The following CPA6 variants were observed in gnomAD, a reference collection of about 807,000 sequenced individuals.
CPA6 encodes carboxypeptidase A6, also known as carboxypeptidase B.
A neutral mutation model predicts 63.3 loss-of-function variants in CPA6; 58 were observed. The observed-to-expected ratio is 0.92, with a 90% CI of 0.74 to 1.14. The LOEUF (loss-of-function observed/expected upper bound fraction) is 1.14. CPA6 is among the 50% of genes most tolerant of loss of function. The pLI is 0.00. For synonymous variants in CPA6, 185 were observed against 179.0 expected (o/e 1.03, Z -0.27); for missense variants, 565 against 526.6 (o/e 1.07, Z -0.71).
Position 67,518,190 on chromosome 8 carries a change from T to G in CPA6, c.193-143A>C, listed in dbSNP as rs892383302. 6.1e-6 allele frequency: 4 copies of G among 658,688 alleles called. No homozygotes were observed. The South Asian group carries it at 1.6e-4, about 27-fold the overall frequency. The allele number at this position is 658,688 out of a possible 1,614,324, so 40.8% of individuals were successfully genotyped here. On this transcript the variant is annotated intron_variant, in intron 2 of 10. Transcript: ENST00000297770. ...AGACTTAATGCTTGCATCATCAGGG[T>G]AAAACTATTTGATCTTGAATTTGAG...
intron 8 of CPA6, among the ~76,000 whole-genome samples, chr8:67,444,369 A>G (rs1810366486): frequency 6.6e-6 from 1 of 152,186 alleles, no homozygotes; most frequent in South Asian, 2.1e-4. Flanking sequence ...TGTCTATTTC[A>G]TTTTGGACAT....
chr8:67,743,306 T>A (rs1198577891), intron 1 of CPA6, among the ~76,000 whole-genome samples: 1 of 152,322 alleles, frequency 6.6e-6, no homozygotes, highest in East Asian at 1.9e-4. Context: ...CACATTTTTT[T>A]AAGTTTTTAA....
intron 8 of CPA6, among the ~76,000 whole-genome samples, chr8:67,460,858 T>C (rs1810783824): frequency 1.3e-5 from 2 of 152,136 alleles, no homozygotes; most frequent in Admixed American, 6.5e-5. Context: ...ACAGTCAGCA[T>C]CTCTAGCGAA....
chr8:67,489,857 A>G (rs1204725105), intron 6 of CPA6, among the ~76,000 whole-genome samples: 2 of 152,162 alleles, frequency 1.3e-5, no homozygotes, highest in Non-Finnish European at 2.9e-5. Flanking sequence ...TGAGGCCATT[A>G]ACATCATTTA....
chr8:67,649,468 A>G (rs1815787927), intron 1 of CPA6, among the ~76,000 whole-genome samples: 1 of 152,172 alleles, frequency 6.6e-6, no homozygotes, highest in Admixed American at 6.5e-5. Context: ...CTTTTTCTAA[A>G]GACTTTCCAT....
intron 1 of CPA6, among the ~76,000 whole-genome samples, chr8:67,633,507 T>C (rs1426352099): frequency 1.3e-5 from 2 of 151,890 alleles, no homozygotes; most frequent in Admixed American, 1.3e-4. Flanking sequence ...TGGTGAAACC[T>C]CGTCTCTATT....
In CPA6 at chr8:67,422,580, A is replaced by C. The variant is rs1206938733; in HGVS notation, c.1238T>G (p.Leu413Arg). 1 of 1,614,026 alleles carries C rather than the reference A, an allele frequency of 6.2e-7. No homozygotes were observed. The highest frequency in any genetic ancestry group is 8.5e-7 in the Non-Finnish European group (1 of 1,179,990). ...GYFGFLLPEM[L>R]IKPTCTETML... ...AGTTTCTGTACAGGTGGGTTTGATG[A>C]GCATCTCTGGGAGTAAAAATCCAAA... Residue 413 changes from leucine (L) to arginine (R), a missense_variant, in exon 11 of 11, where the codon CTC becomes CGC. By Grantham distance (102) the Leu-to-Arg change is moderately radical. Coordinates refer to ENST00000297770, the MANE Select transcript of CPA6 (RefSeq NM_020361.5).
chr8:67,620,932 CTAA>C (rs1390931212), intron 2 of CPA6, among the ~76,000 whole-genome samples: 4 of 152,188 alleles, frequency 2.6e-5, no homozygotes, highest in Admixed American at 2.6e-4. Flanking sequence ...ACCACTCTAA[CTAA>C]TAAGAGTGAT....
chr8:67,520,739 C>T (rs2128967285), intron 2 of CPA6, among the ~76,000 whole-genome samples: 1 of 152,232 alleles, frequency 6.6e-6, no homozygotes, highest in African/African-American at 2.4e-5. Flanking sequence ...GTCACTTTCC[C>T]AAGGTTGCAC....
chr8:67,640,369 A>G (rs574189505), intron 1 of CPA6, among the ~76,000 whole-genome samples: 1 of 151,482 alleles, frequency 6.6e-6, no homozygotes, highest in South Asian at 2.1e-4. Flanking sequence ...GGTGCCCCAA[A>G]TCCAGAGGGG....
At chr8:67,678,869 T>C (rs1294763149) in intron 1 of CPA6, among the ~76,000 whole-genome samples, 2 of 152,206 alleles carry the variant, frequency 1.3e-5, no homozygotes, top group African/African-American at 2.4e-5. Flanking sequence ...AAGATTAGAA[T>C]AGGTATATCG....
intron 6 of CPA6, among the ~76,000 whole-genome samples, chr8:67,502,103 A>G (rs1434175876): frequency 6.6e-6 from 1 of 152,114 alleles, no homozygotes; most frequent in Non-Finnish European, 1.5e-5. Flanking sequence ...CATTTCTGAT[A>G]TTGGTAATTT....
intron 2 of CPA6, among the ~76,000 whole-genome samples, chr8:67,593,446 C>T (rs1169259059): frequency 6.6e-6 from 1 of 152,114 alleles, no homozygotes. Context: ...TCCTTGTTAA[C>T]TTTCTGTCTT....
At chr8:67,666,147 C>T (rs969242849) in intron 1 of CPA6, among the ~76,000 whole-genome samples, 5 of 152,208 alleles carry the variant, frequency 3.3e-5, no homozygotes, top group Admixed American at 2.0e-4. Flanking sequence ...GACATGACCT[C>T]TTCAAGAGTT....
At chr8:67,744,211 G>A (rs1817965187) in intron 1 of CPA6, among the ~76,000 whole-genome samples, 1 of 152,222 alleles carries the variant, frequency 6.6e-6, no homozygotes, top group African/African-American at 2.4e-5. Flanking sequence ...CTCTAGGCTT[G>A]TATTGCAATG....
chr8:67,541,792 C>T (rs1253938944), intron 2 of CPA6, among the ~76,000 whole-genome samples: 1 of 152,322 alleles, frequency 6.6e-6, no homozygotes, highest in East Asian at 1.9e-4. Context: ...GAGGCGACAG[C>T]CCACCCTGCT....
intron 2 of CPA6, among the ~76,000 whole-genome samples, chr8:67,615,172 G>A (rs1332060904): frequency 6.6e-6 from 1 of 152,154 alleles, no homozygotes; most frequent in African/African-American, 2.4e-5. Flanking sequence ...CAAGGCAGGG[G>A]AAATCTCTGC....
At chr8:67,483,717 T>C in intron 8 of CPA6, 51 bp downstream of exon 8, 3 of 1,493,078 alleles carry the variant, frequency 2.0e-6, no homozygotes, top group Non-Finnish European at 2.8e-6. Context: ...TTTTGCAGAG[T>C]AAAACCTGCA....
At chr8:67,681,195 A>ATTTTTTTTTTTTTT (rs1554533441) in intron 1 of CPA6, among the ~76,000 whole-genome samples, 15 of 97,136 alleles carry the variant, frequency 1.5e-4, no homozygotes, top group African/African-American at 8.3e-4. Context: ...GGTCACAAAG[A>ATTTTTTTTTTTTTT]TTTTCTTTTT....
Sources: gnomAD v4.1 joint callset for allele counts (sites outside exome capture counted in the v4.1 genomes callset) on GRCh38, gnomAD v4.1.1 for gene constraint, MANE v1.5 for transcripts, NCBI Gene and HGNC (gene_info 2026-07-23, HGNC 2026-07-21) for gene names.